FRMD4B: variants seen among roughly 807,000 people sequenced by gnomAD.
The protein encoded by FRMD4B is FERM domain-containing protein 4B.
A neutral mutation model predicts 141.5 loss-of-function variants in FRMD4B; 74 were observed. That is an observed-to-expected ratio of 0.52 (90% CI 0.43 to 0.63). The LOEUF (loss-of-function observed/expected upper bound fraction) is 0.63. Ranked by LOEUF, FRMD4B falls within the 30% of genes least tolerant of loss-of-function variation. The pLI is 0.00. For synonymous variants in FRMD4B, 506 were observed against 467.9 expected (o/e 1.08, Z -1.05); for missense variants, 1,366 against 1,253.4 (o/e 1.09, Z -1.36).
intron 7 of FRMD4B, among the ~76,000 whole-genome samples, chr3:69,236,906 G>A (rs2093349009): frequency 6.6e-6 from 1 of 152,114 alleles, no homozygotes; most frequent in African/African-American, 2.4e-5. Flanking sequence ...AGTTAGTTCC[G>A]AAAAACTGAT....
chr3:69,507,524 G>T (rs1468164800), intron 1 of FRMD4B, among the ~76,000 whole-genome samples: 1 of 152,078 alleles, frequency 6.6e-6, no homozygotes, highest in Non-Finnish European at 1.5e-5. Context: ...TACCTACATA[G>T]TATTTTACGG....
At chr3:69,370,942 G>GCTGTTCCAGGCA (rs1703806283) in intron 1 of FRMD4B, among the ~76,000 whole-genome samples, 1 of 152,232 alleles carries the variant, frequency 6.6e-6, no homozygotes, top group Non-Finnish European at 1.5e-5. Flanking sequence ...GGTTCCAGGT[G>GCTGTTCCAGGCA]CTGTTCCAGG....
Position 69,250,041 on chromosome 3 carries a change from A to G in FRMD4B, c.558+2T>C, listed in dbSNP as rs2093451202. The G allele has an allele frequency of 6.3e-7, 1 of 1,598,954 alleles. No homozygotes were observed. The highest frequency in any genetic ancestry group is 1.3e-5 in the African/African-American group (1 of 74,756). On this transcript the variant is annotated splice_donor_variant, in intron 6 of 22. Transcript: ENST00000398540. LOFTEE classifies it high-confidence loss of function. ...GCTAAGAGGCAGTTTGTCCAATCTTACCTGTAAAATAAACGCTGCTAACTT... is the reference window on the plus strand; with the variant it reads ...GCTAAGAGGCAGTTTGTCCAATCTTGCCTGTAAAATAAACGCTGCTAACTT...
intron 1 of FRMD4B, among the ~76,000 whole-genome samples, chr3:69,339,023 C>G (rs1034114700): frequency 6.6e-6 from 1 of 152,114 alleles, no homozygotes; most frequent in African/African-American, 2.4e-5. Flanking sequence ...ACGCATCCCC[C>G]GCCATTTGCT....
intron 1 of FRMD4B, among the ~76,000 whole-genome samples, chr3:69,496,675 G>C (rs1005542514): frequency 7.0e-6 from 1 of 143,500 alleles, no homozygotes. Context: ...GAGAGAGAGA[G>C]AGACAGGGAG....
intron 17 of FRMD4B, among the ~76,000 whole-genome samples, chr3:69,190,983 G>A (rs563965152): frequency 1.3e-5 from 2 of 152,302 alleles, no homozygotes; most frequent in Middle Eastern, 3.4e-3. Flanking sequence ...TTAGAATAAC[G>A]GATGTAAAGC....
chr3:69,226,438 T>C (rs1661618615), intron 7 of FRMD4B, among the ~76,000 whole-genome samples: 1 of 152,050 alleles, frequency 6.6e-6, no homozygotes, highest in African/African-American at 2.4e-5. Context: ...TTTTTTTTTT[T>C]TCCAAACCTA....
At chr3:69,331,795 A>C (rs1377858514) in intron 1 of FRMD4B, among the ~76,000 whole-genome samples, 1 of 152,156 alleles carries the variant, frequency 6.6e-6, no homozygotes, top group Non-Finnish European at 1.5e-5. Flanking sequence ...TCACTAACAA[A>C]CAACAAGTAA....
intron 2 of FRMD4B, among the ~76,000 whole-genome samples, chr3:69,407,881 C>T (rs1311981506): frequency 6.6e-6 from 1 of 151,974 alleles, no homozygotes; most frequent in African/African-American, 2.4e-5. Flanking sequence ...TTTTTTTCCT[C>T]GTGGAGCCAG....
intron 16 of FRMD4B, 47 bp downstream of exon 16, chr3:69,194,975 T>C (rs1182804943): frequency 6.4e-7 from 1 of 1,559,268 alleles, no homozygotes; most frequent in Non-Finnish European, 8.8e-7. Context: ...CTCAGACAGC[T>C]TTCCTGTCTT....
At chr3:69,292,677 A>G (rs567667386) in intron 4 of FRMD4B, among the ~76,000 whole-genome samples, 2 of 152,304 alleles carry the variant, frequency 1.3e-5, no homozygotes, top group African/African-American at 4.8e-5. Flanking sequence ...GGAGTGTATG[A>G]AAAATACATA....
chr3:69,539,357 C>T (rs968207807), intron 1 of FRMD4B, among the ~76,000 whole-genome samples: 2 of 152,224 alleles, frequency 1.3e-5, no homozygotes, highest in Non-Finnish European at 2.9e-5. Flanking sequence ...ATAAACATTA[C>T]TGAGAAAACT....
intron 5 of FRMD4B, among the ~76,000 whole-genome samples, chr3:69,287,147 A>G (rs1233689253): frequency 6.6e-6 from 1 of 152,270 alleles, no homozygotes; most frequent in Middle Eastern, 3.2e-3. Context: ...ACATCCCAGC[A>G]TGGGATTATT....
intron 4 of FRMD4B, among the ~76,000 whole-genome samples, chr3:69,294,595 G>C (rs1049145175): frequency 6.6e-6 from 1 of 152,202 alleles, no homozygotes; most frequent in Non-Finnish European, 1.5e-5. Flanking sequence ...CTCCTGGTAA[G>C]CCTGTAGAAA....
chr3:69,231,948 G>A (rs553882276), intron 7 of FRMD4B, among the ~76,000 whole-genome samples: 38 of 152,340 alleles, frequency 2.5e-4, no homozygotes, highest in Non-Finnish European at 4.4e-4. Context: ...CTGGGAGCCT[G>A]AGGCTGCAAG....
rs78601421 is a variant in FRMD4B at position 69,429,503 on chromosome 3, A to G, written c.-1+3131T>C. Among the ~76,000 whole-genome samples the G allele has an allele frequency of 6.2e-4, 94 of 152,324 alleles. 2 individuals carry two copies. The East Asian group carries it at 0.018, about 28-fold the overall frequency. On this transcript the variant is annotated intron_variant, in intron 2 of 5. Transcript: ENST00000459638. ...ATAGATATCCCGACACAAAGAAAAGATAAATATTCAAGGTGATAGACATCC... is the reference window on the plus strand; with the variant it reads ...ATAGATATCCCGACACAAAGAAAAGGTAAATATTCAAGGTGATAGACATCC...
chr3:69,320,455 T>C (rs1265852732), intron 1 of FRMD4B, among the ~76,000 whole-genome samples: 1 of 152,064 alleles, frequency 6.6e-6, no homozygotes, highest in Non-Finnish European at 1.5e-5. Context: ...TAGCCGGGCA[T>C]TGTGGTGTGT....
At chr3:69,332,589 T>C (rs1217549475) in intron 1 of FRMD4B, among the ~76,000 whole-genome samples, 2 of 152,024 alleles carry the variant, frequency 1.3e-5, no homozygotes, top group East Asian at 3.9e-4. Context: ...TTTCTTTATT[T>C]ATTTTGAGAC....
At chr3:69,175,061 G>A (rs1248229452) in intron 22 of FRMD4B, among the ~76,000 whole-genome samples, 4 of 152,044 alleles carry the variant, frequency 2.6e-5, no homozygotes, top group African/African-American at 9.7e-5. Flanking sequence ...AACTCCCACT[G>A]AATGCGGAGG....
Sources: gnomAD v4.1 joint callset for allele counts (sites outside exome capture counted in the v4.1 genomes callset) on GRCh38, gnomAD v4.1.1 for gene constraint, MANE v1.5 for transcripts, NCBI Gene and HGNC (gene_info 2026-07-23, HGNC 2026-07-21) for gene names.